ST7L: variants seen among roughly 807,000 people sequenced by gnomAD.
The protein encoded by ST7L is suppressor of tumorigenicity 7 protein-like.
Under a neutral mutation model 72.5 loss-of-function variants are expected in ST7L, and 57 were observed. That is an observed-to-expected ratio of 0.79 (90% CI 0.64 to 0.98). The LOEUF is 0.98. ST7L is among the 50% of genes least tolerant of loss of function. The pLI, the probability that ST7L is intolerant of heterozygous loss-of-function variation, is 0.00. For missense variants in ST7L, 576 were observed against 672.2 expected (o/e 0.86, Z 1.58); for synonymous variants, 221 against 240.9 (o/e 0.92, Z 0.77).
At chr1:112,601,489 C>T (rs1667384266) in intron 3 of ST7L, among the ~76,000 whole-genome samples, 1 of 152,074 alleles carries the variant, frequency 6.6e-6, no homozygotes, top group African/African-American at 2.4e-5. Context: ...TCGTGATCCG[C>T]CTGCCTTGGC....
At chr1:112,600,999 A>G in intron 3 of ST7L, 151 bp from the exon 4 acceptor site, 1 of 658,416 alleles carries the variant, frequency 1.5e-6, no homozygotes, top group Non-Finnish European at 2.6e-6. Flanking sequence ...AACAGAATTA[A>G]ATCTAGTCAT....
intron 13 of ST7L, among the ~76,000 whole-genome samples, chr1:112,548,844 AG>A (rs1657600773): frequency 6.6e-6 from 1 of 152,348 alleles, no homozygotes; most frequent in South Asian, 2.1e-4. Context: ...TCCTAAAGGC[AG>A]GAACTAGACT....
chr1:112,540,212 C>A, intron 14 of ST7L: 1 of 985,436 alleles, frequency 1.0e-6, no homozygotes, highest in Middle Eastern at 5.2e-4. Flanking sequence ...CTCTATTTCA[C>A]TTCCTTCCCA....
chr1:112,530,515 A>G (rs549332077), intron 14 of ST7L, among the ~76,000 whole-genome samples: 1 of 152,192 alleles, frequency 6.6e-6, no homozygotes, highest in South Asian at 2.1e-4. Context: ...CCCAGGTTCA[A>G]GCAATTCTCC....
chr1:112,534,693 A>C (rs1372856377), intron 14 of ST7L, among the ~76,000 whole-genome samples: 1 of 152,134 alleles, frequency 6.6e-6, no homozygotes, highest in African/African-American at 2.4e-5. Context: ...TGGGTCTGCA[A>C]GATAGAGATG....
chr1:112,577,312 T>C (rs1663267964), intron 10 of ST7L, among the ~76,000 whole-genome samples: 1 of 151,060 alleles, frequency 6.6e-6, no homozygotes, highest in African/African-American at 2.4e-5. Flanking sequence ...GTGGATCACC[T>C]GAGCTCAGGA....
At chr1:112,592,291 C>T (rs1199636043) in intron 5 of ST7L, among the ~76,000 whole-genome samples, 1 of 152,086 alleles carries the variant, frequency 6.6e-6, no homozygotes, top group African/African-American at 2.4e-5. Context: ...GACAAACTGG[C>T]CCATTTCAAG....
At chr1:112,523,228 T>G (rs1652976262), downstream of ST7L, 1 of 152,266 alleles carries the variant, frequency 6.6e-6, no homozygotes, top group African/African-American at 2.4e-5. Context: ...CTCATGCTAC[T>G]CTGTGCTTTT....
intron 11 of ST7L, among the ~76,000 whole-genome samples, chr1:112,560,367 C>T (rs1380189336): frequency 6.6e-6 from 1 of 152,136 alleles, no homozygotes; most frequent in African/African-American, 2.4e-5. Flanking sequence ...GCACTCCAGC[C>T]TGGATGACAG....
At chr1:112,556,352 A>AT (rs1659117521) in intron 11 of ST7L, among the ~76,000 whole-genome samples, 1 of 152,188 alleles carries the variant, frequency 6.6e-6, no homozygotes, top group Non-Finnish European at 1.5e-5. Context: ...AAAATTACAC[A>AT]TTTTTTATTT....
intron 12 of ST7L, among the ~76,000 whole-genome samples, chr1:112,553,509 A>T (rs569745497): frequency 6.6e-6 from 1 of 152,356 alleles, no homozygotes; most frequent in East Asian, 1.9e-4. Flanking sequence ...AACTTAAAAA[A>T]TTTATGTTCT....
At chr1:112,540,210 C>T in intron 14 of ST7L, 1 of 985,420 alleles carries the variant, frequency 1.0e-6, no homozygotes, top group Middle Eastern at 5.2e-4. Flanking sequence ...TGCTCTATTT[C>T]ACTTCCTTCC....
At chr1:112,610,778 T>A in intron 3 of ST7L, 63 bp downstream of exon 3, 1 of 1,565,872 alleles carries the variant, frequency 6.4e-7, no homozygotes, top group East Asian at 2.2e-5. Flanking sequence ...GAGTTTTCTA[T>A]CTCCCAGAGC....
intron 3 of ST7L, among the ~76,000 whole-genome samples, chr1:112,601,989 CAG>C (rs1350617266): frequency 6.8e-6 from 1 of 147,540 alleles, no homozygotes; most frequent in Non-Finnish European, 1.5e-5. Context: ...GAGAGTGAGA[CAG>C]AAGAATTGCT....
Position 112,610,183 on chromosome 1 carries a change from G to A in ST7L, c.451+658C>T, listed in dbSNP as rs72699082. Among the ~76,000 whole-genome samples, 1,212 of 152,236 alleles carry A rather than the reference G, an allele frequency of 8.0e-3. 7 individuals carry two copies. Among genetic ancestry groups the A allele is most frequent in the Middle Eastern group, 0.02 (6 of 294 alleles). ...CTGAGAATAGTCCTTGGCTTCTGTGGGGTGGAGTAGAGGGAAGTAGTGACC... is the reference window on the plus strand; with the variant it reads ...CTGAGAATAGTCCTTGGCTTCTGTGAGGTGGAGTAGAGGGAAGTAGTGACC... On this transcript the variant is annotated intron_variant, in intron 3 of 14. Transcript: ENST00000358039.
intron 2 of ST7L, among the ~76,000 whole-genome samples, chr1:112,614,883 T>G (rs571157320): frequency 1.4e-4 from 22 of 152,232 alleles, no homozygotes; most frequent in Non-Finnish European, 2.6e-4. Context: ...TGTTCCAAAG[T>G]GTACACTAGT....
chr1:112,568,855 A>AATAAAT (rs1553247557), intron 11 of ST7L, among the ~76,000 whole-genome samples: 1 of 80,922 alleles, frequency 1.2e-5, no homozygotes, highest in Non-Finnish European at 2.4e-5. Flanking sequence ...TATAAATATA[A>AATAAAT]ATATAAATAT....
intron 5 of ST7L, among the ~76,000 whole-genome samples, chr1:112,594,586 G>A (rs1666163813): frequency 6.6e-6 from 1 of 152,202 alleles, no homozygotes; most frequent in South Asian, 2.1e-4. Context: ...AGGTAGTGAA[G>A]CCTAATTTCG....
chr1:112,520,240 G>C, downstream of ST7L: 1 of 1,578,804 alleles, frequency 6.3e-7, no homozygotes. Context: ...GGCAGCTGAA[G>C]AGATAACTTT....
Sources: gnomAD v4.1 joint callset for allele counts (sites outside exome capture counted in the v4.1 genomes callset) on GRCh38, gnomAD v4.1.1 for gene constraint, MANE v1.5 for transcripts, NCBI Gene and HGNC (gene_info 2026-07-23, HGNC 2026-07-21) for gene names.